The following DNM3 variants were observed in gnomAD, a reference collection of about 807,000 sequenced individuals.
DNM3 encodes the protein dynamin 3.
In DNM3, 47 loss-of-function variants were observed where a neutral mutation model predicts 101.6. That is an observed-to-expected ratio of 0.46 (90% CI 0.37 to 0.59). The LOEUF (loss-of-function observed/expected upper bound fraction) is 0.59. DNM3 is among the 20% of genes least tolerant of loss of function. The probability of loss-of-function intolerance (pLI) is 0.00; values close to 1 mark genes in which losing one functional copy is unlikely to be tolerated. For synonymous variants in DNM3, 385 were observed against 387.9 expected (o/e 0.99, Z 0.09); for missense variants, 849 against 1,085.7 (o/e 0.78, Z 3.06).
At chr1:172,197,952 G>C (rs1164107125) in intron 14 of DNM3, among the ~76,000 whole-genome samples, 2 of 152,016 alleles carry the variant, frequency 1.3e-5, no homozygotes, top group Non-Finnish European at 2.9e-5. Flanking sequence ...TATGTTGAGT[G>C]AAGTGGTAAG....
Position 172,031,038 on chromosome 1 carries a change from A to T in DNM3, c.590-1364A>T, listed in dbSNP as rs534829953. ...AACCAGAAATACCATTTGATCTAGCAATTCCATTACTGGGTATATACCCAA... is the reference window on the plus strand; with the variant it reads ...AACCAGAAATACCATTTGATCTAGCTATTCCATTACTGGGTATATACCCAA... On this transcript the variant is annotated intron_variant, in intron 4 of 20. Coordinates refer to ENST00000627582, the MANE Select transcript of DNM3 (RefSeq NM_015569.5). Among the ~76,000 whole-genome samples the T allele has an allele frequency of 4.6e-5, 7 of 152,288 alleles. No homozygotes were observed. The South Asian group carries it at 1.5e-3, about 32-fold the overall frequency.
intron 7 of DNM3, among the ~76,000 whole-genome samples, chr1:172,040,754 G>A (rs1243895622): frequency 6.6e-6 from 1 of 152,104 alleles, no homozygotes; most frequent in Non-Finnish European, 1.5e-5. Context: ...AAGTTTCTGG[G>A]AAGAACCAAT....
Position 172,197,120 on chromosome 1 carries a change from G to A in DNM3, c.1660-56453G>A, listed in dbSNP as rs145050842. On this transcript the variant is annotated intron_variant, in intron 14 of 20. Transcript: ENST00000627582. ...GGAAGGGGTCCAGCTTCAGTCTTCTGCATATGGCTAGCCAGTTATCCCAGC... is the reference window on the plus strand; with the variant it reads ...GGAAGGGGTCCAGCTTCAGTCTTCTACATATGGCTAGCCAGTTATCCCAGC... Among the ~76,000 whole-genome samples, 567 of 152,072 alleles carry A rather than the reference G, an allele frequency of 3.7e-3. 9 individuals carry two copies. The highest frequency in any genetic ancestry group is 0.013 in the African/African-American group (541 of 41,544).
intron 15 of DNM3, among the ~76,000 whole-genome samples, chr1:172,306,364 C>T (rs2064814202): frequency 6.6e-6 from 1 of 152,072 alleles, no homozygotes; most frequent in Admixed American, 6.5e-5. Flanking sequence ...AACCACTGCT[C>T]AACGAAATAA....
intron 4 of DNM3, among the ~76,000 whole-genome samples, chr1:172,025,392 G>A (rs2048133818): frequency 6.6e-6 from 1 of 152,208 alleles, no homozygotes; most frequent in Admixed American, 6.5e-5. Context: ...AGACTTAAAT[G>A]TTCCTGCCTG....
At chr1:171,962,911 G>A (rs1477716748) in intron 2 of DNM3, among the ~76,000 whole-genome samples, 1 of 152,166 alleles carries the variant, frequency 6.6e-6, no homozygotes, top group East Asian at 1.9e-4. Context: ...ATGTGGAGCA[G>A]CAGGAATTCT....
At chr1:172,236,045 G>T (rs1375269714) in intron 14 of DNM3, among the ~76,000 whole-genome samples, 3 of 152,134 alleles carry the variant, frequency 2.0e-5, no homozygotes, top group Admixed American at 6.6e-5. Flanking sequence ...ACAGGCGTAT[G>T]CCAAATCCAA....
At chr1:171,943,392 C>T (rs114032044) in intron 2 of DNM3, among the ~76,000 whole-genome samples, 23 of 152,214 alleles carry the variant, frequency 1.5e-4, no homozygotes, top group Non-Finnish European at 2.5e-4. Context: ...TACCCACCTC[C>T]GTTTTGGAAT....
At position 172,133,122 on chromosome 1, in the gene DNM3, A is replaced by G. The variant is rs188308630; in HGVS notation, c.1659+1834A>G. On this transcript the variant is annotated intron_variant, in intron 14 of 20. Transcript: ENST00000627582. The stretch of plus-strand genomic sequence containing the variant: ...TGACATGTTCCTGGGTGTTAGCAGC[A>G]GAGACACTGAAGACTCTGGAGTAGC... 4.3e-4 allele frequency: 604 copies of G among 1,408,464 alleles called. 1 individual carries two copies. The highest frequency in any genetic ancestry group is 3.4e-3 in the Middle Eastern group (15 of 4,414). The allele number at this position is 1,408,464 out of a possible 1,614,324, so 87.2% of individuals were successfully genotyped here. A position where few individuals can be genotyped will look rare whatever the true frequency, so the allele number is the denominator to read the frequency against.
intron 17 of DNM3, chr1:172,370,258 A>G (rs1021285813): frequency 2.6e-5 from 4 of 151,922 alleles, no homozygotes; most frequent in Non-Finnish European, 4.4e-5. Flanking sequence ...TTATACTTCA[A>G]TTGGACAGTG....
At chr1:172,286,068 T>TTATACATA (rs1553222036) in intron 15 of DNM3, among the ~76,000 whole-genome samples, 4 of 147,454 alleles carry the variant, frequency 2.7e-5, no homozygotes, top group Admixed American at 6.8e-5. Flanking sequence ...AGTGAGTTAT[T>TTATACATA]TATATATATA....
chr1:172,323,767 T>C (rs756293525), intron 17 of DNM3, among the ~76,000 whole-genome samples: 1 of 152,178 alleles, frequency 6.6e-6, no homozygotes, highest in Non-Finnish European at 1.5e-5. Context: ...GAGTCTTAAA[T>C]AGCAGTATGG....
intron 17 of DNM3, chr1:172,366,433 C>T (rs1480758601): frequency 6.6e-6 from 1 of 151,754 alleles, no homozygotes; most frequent in Non-Finnish European, 1.5e-5. Flanking sequence ...GAAGAAGAGT[C>T]TTGTCTCTGT....
intron 14 of DNM3, among the ~76,000 whole-genome samples, chr1:172,143,233 T>C (rs1404232918): frequency 6.6e-6 from 1 of 152,144 alleles, no homozygotes; most frequent in Non-Finnish European, 1.5e-5. Flanking sequence ...TAGAAAAGAA[T>C]TTGTTCAGGA....
At chr1:172,025,604 G>A (rs1423646012) in intron 4 of DNM3, among the ~76,000 whole-genome samples, 1 of 152,212 alleles carries the variant, frequency 6.6e-6, no homozygotes, top group East Asian at 1.9e-4. Flanking sequence ...TCCAGAGGAA[G>A]GAACAGACAG....
At chr1:172,279,642 C>T (rs568706243) in intron 15 of DNM3, among the ~76,000 whole-genome samples, 3 of 152,098 alleles carry the variant, frequency 2.0e-5, no homozygotes, top group Non-Finnish European at 4.4e-5. Flanking sequence ...CATGCTCCTC[C>T]AATCTCCCAG....
intron 15 of DNM3, among the ~76,000 whole-genome samples, chr1:172,257,714 A>C (rs1329439005): frequency 3.3e-5 from 5 of 152,128 alleles, no homozygotes; most frequent in Non-Finnish European, 5.9e-5. Flanking sequence ...TGTTGAGAAC[A>C]TTCCAAGTCC....
rs183183173 is a variant in DNM3, at chr1:171,987,608, C to A, written c.236-48C>A. ...ATTAAAGAAACTTTTATAATTATGG[C>A]AAAAATGCATGAATTTAAGTTGTGT... On this transcript the variant is annotated intron_variant, in intron 2 of 20. Transcript: ENST00000627582. 1.5e-5 allele frequency: 22 copies of A among 1,497,780 alleles called. 1 individual carries two copies. The highest frequency in any genetic ancestry group is 2.0e-5 in the Non-Finnish European group (22 of 1,125,110). 92.8% of individuals were successfully genotyped at this position (1,497,780 alleles called of 1,614,324 possible).
chr1:172,107,033 T>G (rs1433065249), intron 13 of DNM3, among the ~76,000 whole-genome samples: 1 of 149,936 alleles, frequency 6.7e-6, no homozygotes, highest in African/African-American at 2.5e-5. Flanking sequence ...GCTAATTTTT[T>G]GTATTTTTAG....
Sources: allele counts gnomAD v4.1 joint callset (sites outside exome capture counted in the v4.1 genomes callset), GRCh38; gene constraint gnomAD v4.1.1; transcripts MANE v1.5; gene names NCBI Gene and HGNC (gene_info 2026-07-23, HGNC 2026-07-21).